WFS1: variants seen among roughly 807,000 people sequenced by gnomAD.
The protein encoded by WFS1 is wolframin ER transmembrane glycoprotein, also known as wolframin.
A neutral mutation model predicts 68.5 loss-of-function variants in WFS1; 90 were observed. The ratio of observed to expected loss-of-function variants is 1.31; its 90% CI spans 1.11 to 1.56. The LOEUF is 1.56. Among genes scored for constraint, WFS1 ranks in the 40% most tolerant of loss-of-function variants. The pLI, the probability that WFS1 is intolerant of heterozygous loss-of-function variation, is 0.00. For synonymous variants in WFS1, 860 were observed against 540.7 expected (o/e 1.59, Z -8.19); for missense variants, 1,767 against 1,232.6 (o/e 1.43, Z -6.49).
At chr4:6,288,807 G>C (rs542432003) in intron 3 of WFS1, 180 bp from the exon 4 acceptor site, 1 of 879,708 alleles carries the variant, frequency 1.1e-6, no homozygotes, top group Non-Finnish European at 1.8e-6. Flanking sequence ...TTTGAGGAGC[G>C]AGTGGCCGGA....
intron 7 of WFS1, 21 bp downstream of exon 7, chr4:6,295,210 T>C (rs1367001107): frequency 6.2e-7 from 1 of 1,610,296 alleles, no homozygotes; most frequent in African/African-American, 1.3e-5. Context: ...AAGACCCCGG[T>C]CAGGCCGGAG....
chr4:6,274,500 GC>G (rs2109105882), intron 1 of WFS1, among the ~76,000 whole-genome samples: 1 of 152,226 alleles, frequency 6.6e-6, no homozygotes, highest in African/African-American at 2.4e-5. Context: ...GGTAACCGAC[GC>G]CCCACACCAT....
chr4:6,274,195 C>T (rs1039168084), intron 1 of WFS1, among the ~76,000 whole-genome samples: 17 of 152,062 alleles, frequency 1.1e-4, no homozygotes, highest in African/African-American at 2.9e-4. Flanking sequence ...TATCGGCGCC[C>T]GCCACCACGC....
In WFS1 at chr4:6,283,719, G is replaced by T. The variant is rs1427147629; in HGVS notation, c.233-3374G>T. On this transcript the variant is annotated intron_variant, in intron 2 of 7. Transcript: ENST00000226760. This position sits in a 1 kb window ranked among gnomAD's most constrained non-coding sequence, Gnocchi z 5.0. ...GGAGATGACCTGGCAACTCTGATTG[G>T]CCAGGTGGGGGTGCGGGCCTTCTGT... is the stretch of plus-strand genomic sequence containing the variant. 6.6e-6 allele frequency among the ~76,000 whole-genome samples: 1 copy of T among 152,234 alleles called. No individual in the cohort carries two copies. The highest frequency in any genetic ancestry group is 1.5e-5 in the Non-Finnish European group (1 of 68,038).
At chr4:6,273,439 G>C (rs1729894874) in intron 1 of WFS1, among the ~76,000 whole-genome samples, 1 of 152,224 alleles carries the variant, frequency 6.6e-6, no homozygotes, top group African/African-American at 2.4e-5. Context: ...CGTGCAGGTG[G>C]GGATCTGAGG....
At chr4:6,276,814 G>A (rs989137217) in intron 1 of WFS1, among the ~76,000 whole-genome samples, 1 of 152,240 alleles carries the variant, frequency 6.6e-6, no homozygotes, top group Non-Finnish European at 1.5e-5. Context: ...CCCTCCTGGA[G>A]GCTCTGAGGG....
Position 6,277,665 on chromosome 4 carries a change from C to T in WFS1, c.210C>T (p.Ser70=). 6.4e-7 allele frequency: 1 copy of T among 1,563,474 alleles called. No homozygotes were observed. Among genetic ancestry groups the T allele is most frequent in the Admixed American group, 1.9e-5 (1 of 52,874 alleles). Residue 70 remains serine (S), a synonymous_variant, in exon 2 of 8, where the codon AGC becomes AGT. Transcript: ENST00000226760. The part of the protein sequence containing the change: ...PAEPQAQHTR[S]RERADGTGPT... ...AACCCCAGGCCCAGCATACCAGGAG[C>T]CGGGAAAGAGCAGACGGCACCGGTA...
At chr4:6,279,827 C>T (rs1237068696) in intron 2 of WFS1, among the ~76,000 whole-genome samples, 1 of 152,246 alleles carries the variant, frequency 6.6e-6, no homozygotes, top group Non-Finnish European at 1.5e-5. Context: ...GGCCTGTACA[C>T]TTGGGAAACA....
intron 7 of WFS1, among the ~76,000 whole-genome samples, chr4:6,297,322 T>G (rs1004651453): frequency 6.6e-6 from 1 of 152,098 alleles, no homozygotes; most frequent in Non-Finnish European, 1.5e-5. Flanking sequence ...CACCTTTTAG[T>G]AGCCTTTTGT....
At chr4:6,271,940 C>T (rs1729856029) in intron 1 of WFS1, among the ~76,000 whole-genome samples, 2 of 152,232 alleles carry the variant, frequency 1.3e-5, no homozygotes. Flanking sequence ...TCCCAGCCAC[C>T]TGCGTGTTCC....
intron 4 of WFS1, 140 bp downstream of exon 4, chr4:6,289,271 G>T: frequency 8.2e-7 from 1 of 1,223,294 alleles, no homozygotes; most frequent in Non-Finnish European, 1.1e-6. Flanking sequence ...TTTGCTGGTG[G>T]CCTTCTCATT....
At chr4:6,297,253 G>T (rs1730662026) in intron 7 of WFS1, among the ~76,000 whole-genome samples, 1 of 152,218 alleles carries the variant, frequency 6.6e-6, no homozygotes, top group Admixed American at 6.5e-5. Flanking sequence ...CTTCTTAGAA[G>T]TCTCTTGTGA....
intron 6 of WFS1, among the ~76,000 whole-genome samples, chr4:6,292,748 T>A (rs1446466660): frequency 6.6e-6 from 1 of 152,166 alleles, no homozygotes; most frequent in African/African-American, 2.4e-5. Context: ...ACTCTTCTTG[T>A]GACATGGGCA....
rs76577786 is a variant in WFS1, at chr4:6,301,547, G to C, written c.1752G>C (p.Gln584His). The C allele has an allele frequency of 6.2e-7, 1 of 1,614,082 alleles. No homozygotes were observed. Among genetic ancestry groups the C allele is most frequent in the African/African-American group, 1.3e-5 (1 of 75,066 alleles). ...VAGLALVGVL[Q>H]FARWFTSLEL... Reference sequence around the variant, plus strand: ...GCCTGGCCCTGGTGGGCGTGCTGCAGTTCGCCCGGTGGTTCACGTCTCTGG... The same window carrying C: ...GCCTGGCCCTGGTGGGCGTGCTGCACTTCGCCCGGTGGTTCACGTCTCTGG... Residue 584 changes from glutamine to histidine, a missense_variant, in exon 8 of 8, where the codon CAG becomes CAC. Gln to His is a conservative substitution (Grantham distance 24). Transcript: ENST00000226760.
intron 7 of WFS1, among the ~76,000 whole-genome samples, chr4:6,299,364 G>A (rs1415821867): frequency 6.6e-6 from 1 of 152,190 alleles, no homozygotes; most frequent in African/African-American, 2.4e-5. Context: ...GGACCCACAG[G>A]TCGGGGGAAG....
In WFS1 at chr4:6,291,215, A is replaced by G; in HGVS notation, c.479A>G (p.Glu160Gly). The G allele has an allele frequency of 6.2e-7, 1 of 1,612,730 alleles. No homozygotes were observed. The highest frequency in any genetic ancestry group is 1.1e-5 in the South Asian group (1 of 91,050). The change falls in exon 5 of 8, where the codon GAA (glutamate) becomes GGA (glycine). Residue 160 changes from glutamate to glycine, a missense_variant. By Grantham distance (98) the Glu-to-Gly change is moderately conservative. Transcript: ENST00000226760. The stretch of plus-strand genomic sequence containing the variant: ...CCCTCAGGCATCACGTCCGAGAACG[A>G]ACGGGAGGTGAGGCAGCTCTCCTCC... Reference protein sequence around the residue: ...ADRRGITSENEREVRQLSSET... With the variant: ...ADRRGITSENGREVRQLSSET...
chr4:6,270,490 CCCAGGGGGA>C (rs2109103521), intron 1 of WFS1, among the ~76,000 whole-genome samples: 1 of 152,184 alleles, frequency 6.6e-6, no homozygotes, highest in Admixed American at 6.5e-5. Context: ...GGTTCAGTCC[CCCAGGGGGA>C]CCCGGCCCGC....
At chr4:6,285,190 C>G (rs191213596) in intron 2 of WFS1, among the ~76,000 whole-genome samples, 2 of 149,274 alleles carry the variant, frequency 1.3e-5, no homozygotes, top group Admixed American at 6.6e-5. Context: ...GGGAGAGTTA[C>G]GTCCAGGGAG....
intron 1 of WFS1, among the ~76,000 whole-genome samples, chr4:6,270,736 T>A (rs1425452439): frequency 1.3e-5 from 2 of 152,214 alleles, no homozygotes; most frequent in African/African-American, 4.8e-5. Context: ...GATGGCGCCC[T>A]GGCCTCTCAC....
Sources: gnomAD v4.1 joint callset for allele counts (sites outside exome capture counted in the v4.1 genomes callset) on GRCh38, gnomAD v4.1.1 for gene constraint, Gnocchi (gnomAD v3.1) non-coding constraint, MANE v1.5 for transcripts, NCBI Gene and HGNC (gene_info 2026-07-23, HGNC 2026-07-21) for gene names.